The following PCGF6 variants were observed in gnomAD, a reference collection of about 807,000 sequenced individuals.
PCGF6 encodes polycomb group ring finger 6, also known as polycomb group RING finger protein 6.
In PCGF6, 24 loss-of-function variants were observed where a neutral mutation model predicts 45.5. That is an observed-to-expected ratio of 0.53 (90% CI 0.38 to 0.74). The LOEUF is 0.74. Among genes scored for constraint, PCGF6 ranks in the 30% least tolerant of loss-of-function variants. The pLI is 0.00. For missense variants in PCGF6, 356 were observed against 443.2 expected, an observed-to-expected ratio of 0.80 and a Z score of 1.77; for synonymous variants, 152 against 162.1, an observed-to-expected ratio of 0.94 and a Z score of 0.47.
At position 103,328,714 on chromosome 10, in the gene PCGF6, T is replaced by C. The variant is rs571841782; in HGVS notation, c.811-2082A>G. On this transcript the variant is annotated intron_variant, in intron 7 of 9. Coordinates refer to ENST00000369847, the MANE Select transcript of PCGF6 (RefSeq NM_001011663.2). ...CCATTTGTCTCTAAGATTATTTGCATCATTTTTGCTCTTTATGTACAGGAT... is the reference window on the plus strand; with the variant it reads ...CCATTTGTCTCTAAGATTATTTGCACCATTTTTGCTCTTTATGTACAGGAT... Among the ~76,000 whole-genome samples, 7 of 152,290 alleles carry C rather than the reference T, an allele frequency of 4.6e-5. No homozygotes were observed. In the East Asian group the frequency reaches 1.3e-3, roughly 29 times the overall value.
intron 6 of PCGF6, among the ~76,000 whole-genome samples, chr10:103,341,056 CCT>C (rs975758774): frequency 1.1e-4 from 17 of 151,778 alleles, no homozygotes; most frequent in Non-Finnish European, 2.2e-4. Flanking sequence ...ATGGCGAAAC[CCT>C]GTCTCTACTA....
chr10:103,326,928 ATTCAT>A (rs1380628924), intron 7 of PCGF6, among the ~76,000 whole-genome samples: 1 of 152,182 alleles, frequency 6.6e-6, no homozygotes, highest in African/African-American at 2.4e-5. Flanking sequence ...AAATTTATTC[ATTCAT>A]TTCAAGTACT....
At chr10:103,315,370 C>T (rs1351318802) in intron 8 of PCGF6, among the ~76,000 whole-genome samples, 3 of 151,532 alleles carry the variant, frequency 2.0e-5, no homozygotes, top group African/African-American at 7.3e-5. Flanking sequence ...TTTTTTAGTT[C>T]GTTTTTTGAG....
intron 8 of PCGF6, among the ~76,000 whole-genome samples, chr10:103,316,590 T>C (rs920098076): frequency 6.6e-6 from 1 of 152,152 alleles, no homozygotes; most frequent in East Asian, 1.9e-4. Context: ...GTCCAAGATC[T>C]AATTTTCTCC....
At chr10:103,326,781 CAAGTT>C in intron 7 of PCGF6, 149 bp from the exon 8 acceptor site, 1 of 481,404 alleles carries the variant, frequency 2.1e-6, no homozygotes, top group Non-Finnish European at 3.6e-6. Context: ...TACTATGAAA[CAAGTT>C]AATACACATA....
chr10:103,303,969 G>C lies in PCGF6; in HGVS notation c.997-8C>G. ...AAGGACAAGCAGACCATCCTGAAAA[G>C]GGGAGAAAAAAAGACGATTTTGCAG... is the stretch of plus-strand genomic sequence containing the variant. On this transcript the variant is annotated splice_region_variant and splice_polypyrimidine_tract_variant and intron_variant, in intron 9 of 9. Transcript: ENST00000369847. 6.2e-7 allele frequency: 1 copy of C among 1,612,218 alleles called. No individual in the cohort carries two copies. Among genetic ancestry groups the C allele is most frequent in the Non-Finnish European group, 8.5e-7 (1 of 1,178,766 alleles).
At chr10:103,308,081 C>G (rs1259546921) in intron 9 of PCGF6, among the ~76,000 whole-genome samples, 1 of 152,068 alleles carries the variant, frequency 6.6e-6, no homozygotes, top group Non-Finnish European at 1.5e-5. Context: ...GTGGCAGAGC[C>G]CTCACAGAGA....
Position 103,338,155 on chromosome 10 carries a change from T to C in PCGF6, c.783-4203A>G, listed in dbSNP as rs190745158. ...ACCCGGGAGGCTGAGACAGGAGAAC[T>C]GCTTGAACCTAGGAGGCAGAGGTTG... On this transcript the variant is annotated intron_variant, in intron 6 of 9. Transcript: ENST00000369847. Among the ~76,000 whole-genome samples the C allele has an allele frequency of 7.3e-5, 11 of 151,382 alleles. No homozygotes were observed. In the East Asian group the frequency reaches 2.1e-3, roughly 30 times the overall value.
At position 103,339,805 on chromosome 10, in the gene PCGF6, AAAAAAAC is replaced by A. The variant is rs1441617607; in HGVS notation, c.782+5212_782+5218del. Among the ~76,000 whole-genome samples the A allele has an allele frequency of 1.5e-4, 6 of 41,152 alleles. No homozygotes were observed. In the East Asian group the frequency reaches 5.7e-3, roughly 39 times the overall value. 27.0% of individuals were successfully genotyped at this position (41,152 alleles called of 152,430 possible). On this transcript the variant is annotated intron_variant, in intron 6 of 9. Coordinates refer to ENST00000369847, the MANE Select transcript of PCGF6 (RefSeq NM_001011663.2). ...AAAGCGAAATTCTGTCTGTCTCAAA[AAAAAAAC>A]ACACACACACACACACACACACACA...
intron 8 of PCGF6, among the ~76,000 whole-genome samples, chr10:103,323,457 C>G (rs995683534): frequency 6.6e-6 from 1 of 151,892 alleles, no homozygotes; most frequent in Non-Finnish European, 1.5e-5. Context: ...CCACCACGCC[C>G]GGCTGATTTT....
intron 7 of PCGF6, among the ~76,000 whole-genome samples, chr10:103,331,930 C>G (rs910657227): frequency 6.6e-6 from 1 of 151,988 alleles, no homozygotes; most frequent in African/African-American, 2.4e-5. Flanking sequence ...GTAGCTGGGA[C>G]AACAGGCACG....
chr10:103,325,063 G>A (rs1380285886), intron 8 of PCGF6, among the ~76,000 whole-genome samples: 3 of 149,522 alleles, frequency 2.0e-5, no homozygotes, highest in African/African-American at 7.4e-5. Context: ...TGAACCCGGG[G>A]GGCGGAAGTT....
At chr10:103,350,064 C>CA (rs1416276529) in intron 1 of PCGF6, among the ~76,000 whole-genome samples, 1 of 150,826 alleles carries the variant, frequency 6.6e-6, no homozygotes, top group Non-Finnish European at 1.5e-5. Context: ...GCCTGGGCGA[C>CA]AGAGCGAGAC....
intron 1 of PCGF6, among the ~76,000 whole-genome samples, 193 bp from the exon 2 acceptor site, chr10:103,349,192 C>T (rs1313139571): frequency 1.3e-5 from 2 of 151,738 alleles, no homozygotes; most frequent in Non-Finnish European, 2.9e-5. Context: ...GGATTACAGG[C>T]GCGCACAACC....
At chr10:103,314,753 C>G (rs527334276) in intron 8 of PCGF6, among the ~76,000 whole-genome samples, 1 of 151,938 alleles carries the variant, frequency 6.6e-6, no homozygotes, top group African/African-American at 2.4e-5. Flanking sequence ...AGTTCCAGAC[C>G]AGCCTGGCCA....
intron 6 of PCGF6, among the ~76,000 whole-genome samples, chr10:103,340,022 A>AAG (rs1415958467): frequency 6.9e-6 from 1 of 145,786 alleles, no homozygotes; most frequent in East Asian, 2.0e-4. Flanking sequence ...AAAAAAAAAA[A>AAG]AAAAAAAATT....
chr10:103,348,894 G>A lies in PCGF6; in HGVS notation c.460+6C>T, dbSNP rs200864871. 1.5e-4 allele frequency: 248 copies of A among 1,608,256 alleles called. No homozygotes were observed. In the African/African-American group the frequency reaches 2.9e-3, roughly 19 times the overall value. On this transcript the variant is annotated splice_donor_region_variant and intron_variant, in intron 2 of 9. Coordinates refer to ENST00000369847, the MANE Select transcript of PCGF6 (RefSeq NM_001011663.2). ...AATTATTCAGAAATGTGATCGGTAT[G>A]CTTACAGGTATGAAGACATTCTGTG...
chr10:103,324,528 G>T (rs2093209528), intron 8 of PCGF6, among the ~76,000 whole-genome samples: 1 of 151,746 alleles, frequency 6.6e-6, no homozygotes, highest in African/African-American at 2.4e-5. Context: ...GGAGGCCGAG[G>T]CGGGAGGATC....
intron 7 of PCGF6, among the ~76,000 whole-genome samples, chr10:103,327,841 ATTT>A (rs11345505): frequency 7.3e-6 from 1 of 137,426 alleles, no homozygotes; most frequent in Non-Finnish European, 1.6e-5. Context: ...CGCCCAACTA[ATTT>A]TTTTTTTTTT....
Sources: allele counts gnomAD v4.1 joint callset (sites outside exome capture counted in the v4.1 genomes callset), GRCh38; gene constraint gnomAD v4.1.1; transcripts MANE v1.5; gene names NCBI Gene and HGNC (gene_info 2026-07-23, HGNC 2026-07-21).